Variants in CLUL1 observed in about 807,000 individuals in gnomAD.
CLUL1 encodes clusterin like 1.
In CLUL1, 43 loss-of-function variants were observed where a neutral mutation model predicts 49.4. That is an observed-to-expected ratio of 0.87 (90% CI 0.68 to 1.12). The LOEUF (loss-of-function observed/expected upper bound fraction) is 1.12, where lower values mean the gene tolerates loss of function less well. Ranked by LOEUF, CLUL1 falls within the 50% of genes most tolerant of loss-of-function variation. The pLI is 0.00. For synonymous variants in CLUL1, 192 were observed against 184.9 expected, an observed-to-expected ratio of 1.04 and a Z score of -0.31; for missense variants, 486 against 544.4, an observed-to-expected ratio of 0.89 and a Z score of 1.07.
intron 8 of CLUL1, among the ~76,000 whole-genome samples, chr18:641,934 C>G (rs1363651689): frequency 6.6e-6 from 1 of 152,100 alleles, no homozygotes; most frequent in African/African-American, 2.4e-5. Flanking sequence ...GGGAAAGTAC[C>G]TCAACCATTC....
chr18:640,842 CT>C (rs796955531), intron 7 of CLUL1, among the ~76,000 whole-genome samples: 31 of 149,628 alleles, frequency 2.1e-4, no homozygotes, highest in Non-Finnish European at 2.8e-4. Flanking sequence ...CATCACAAAT[CT>C]TTTTTTTTTC....
intron 1 of CLUL1, among the ~76,000 whole-genome samples, chr18:604,468 G>GT (rs1328483251): frequency 6.6e-6 from 1 of 152,192 alleles, no homozygotes; most frequent in African/African-American, 2.4e-5. Context: ...GGCATAAGTA[G>GT]TAAAAAGTAA....
chr18:598,173 A>G, intron 1 of CLUL1: 1 of 171,082 alleles, frequency 5.8e-6, no homozygotes, highest in Non-Finnish European at 1.2e-5. Context: ...GCAGCAGCAC[A>G]ATTATCGGGA....
chr18:638,349 G>A (rs2074219403), intron 7 of CLUL1, among the ~76,000 whole-genome samples: 1 of 152,100 alleles, frequency 6.6e-6, no homozygotes, highest in African/African-American at 2.4e-5. Flanking sequence ...ATCCTTGAAT[G>A]TCACAAGATA....
intron 2 of CLUL1, among the ~76,000 whole-genome samples, chr18:611,234 C>CTTT (rs57499796): frequency 1.5e-5 from 2 of 129,458 alleles, no homozygotes; most frequent in Admixed American, 7.7e-5. Context: ...CACCCCCCAC[C>CTTT]TTTTTTTTTT....
At chr18:634,989 A>G (rs1416527038) in intron 7 of CLUL1, among the ~76,000 whole-genome samples, 4 of 152,194 alleles carry the variant, frequency 2.6e-5, no homozygotes, top group Non-Finnish European at 4.4e-5. Flanking sequence ...AAGTGTGACT[A>G]ATGGCTTACA....
At chr18:625,184 C>A in intron 5 of CLUL1, 152 bp downstream of exon 5, 1 of 742,074 alleles carries the variant, frequency 1.3e-6, no homozygotes, top group Non-Finnish European at 2.1e-6. Context: ...GTTTACATAC[C>A]ATCACCTGTG....
rs1450573322 is a variant in CLUL1 at position 640,535 on chromosome 18, T to TTTTGCAATATGG, written c.995-791_995-780dup. On this transcript the variant is annotated intron_variant, in intron 7 of 9. Coordinates refer to ENST00000692774, the MANE Select transcript of CLUL1 (RefSeq NM_001393344.1). Reference sequence around the variant, plus strand: ...TATAAATATTATCACTTATGTATTCTTTTGCAATATGGCTTTTCACTCAGT... The same window carrying TTTTGCAATATGG: ...TATAAATATTATCACTTATGTATTCTTTTGCAATATGGTTTGCAATATGGCTTTTCACTCAGT... 2.6e-5 allele frequency among the ~76,000 whole-genome samples: 4 copies of TTTTGCAATATGG among 152,364 alleles called. No homozygotes were observed. In the East Asian group the frequency reaches 7.7e-4, roughly 29 times the overall value.
intron 4 of CLUL1, among the ~76,000 whole-genome samples, chr18:624,186 G>A (rs1432423950): frequency 6.6e-6 from 1 of 152,064 alleles, no homozygotes; most frequent in Non-Finnish European, 1.5e-5. Context: ...GCCAAGTACA[G>A]CAAGCACCAC....
At chr18:625,845 A>C (rs545349192) in intron 5 of CLUL1, among the ~76,000 whole-genome samples, 8,017 of 152,264 alleles carry the variant, frequency 0.053, 300 homozygotes, top group African/African-American at 0.1. Flanking sequence ...GGGAGCAACT[A>C]CTAAGATAAT....
chr18:644,455 C>T lies in CLUL1; in HGVS notation c.1210-455C>T, dbSNP rs534732491. Among the ~76,000 whole-genome samples, 82 of 152,350 alleles carry T rather than the reference C, an allele frequency of 5.4e-4. 1 individual carries two copies. The highest frequency in any genetic ancestry group is 1.9e-3 in the African/African-American group (78 of 41,566). On this transcript the variant is annotated intron_variant, in intron 8 of 9. Transcript: ENST00000692774. ...GTGCAATGCAATAAAGTTTGTGGCACAGACAGTAATACTCAGCAAACATCC... is the reference window on the plus strand; with the variant it reads ...GTGCAATGCAATAAAGTTTGTGGCATAGACAGTAATACTCAGCAAACATCC...
At chr18:609,880 C>T (rs1010091370) in intron 2 of CLUL1, among the ~76,000 whole-genome samples, 5 of 149,266 alleles carry the variant, frequency 3.3e-5, no homozygotes, top group African/African-American at 9.9e-5. Flanking sequence ...TTGGATTTTG[C>T]ATTAAGTGTG....
At chr18:645,157 G>C in intron 9 of CLUL1, 60 bp downstream of exon 9, 1 of 1,318,866 alleles carries the variant, frequency 7.6e-7, no homozygotes, top group Non-Finnish European at 1.0e-6. Context: ...TCTCAAAAGG[G>C]AAAAACAAAA....
chr18:649,921 T>C lies in CLUL1; in HGVS notation c.*20T>C. 7.3e-7 allele frequency: 1 copy of C among 1,369,428 alleles called. No homozygotes were observed. Among genetic ancestry groups the C allele is most frequent in the Non-Finnish European group, 1.0e-6 (1 of 974,448 alleles). 84.8% of individuals were successfully genotyped at this position (1,369,428 alleles called of 1,614,324 possible). A position where few individuals can be genotyped will look rare whatever the true frequency, so the allele number is the denominator to read the frequency against. On this transcript the variant is annotated 3_prime_UTR_variant, in exon 10 of 10. Coordinates refer to ENST00000692774, the MANE Select transcript of CLUL1 (RefSeq NM_001393344.1). ...AGGTAAGAAGATCTAATGCATCCTA[T>C]ATCCAGTAAGTAGAATTATCTCTTC...
intron 2 of CLUL1, among the ~76,000 whole-genome samples, chr18:609,155 T>C (rs1469294793): frequency 6.6e-6 from 1 of 152,094 alleles, no homozygotes; most frequent in Non-Finnish European, 1.5e-5. Context: ...TGAAGGTAAA[T>C]TTACACAATA....
intron 1 of CLUL1, among the ~76,000 whole-genome samples, chr18:600,541 CT>C (rs34642412): frequency 0.36 from 55,214 of 152,034 alleles, 10,242 homozygotes; most frequent in Middle Eastern, 0.55. Context: ...GAGAAGAAGG[CT>C]TGGCGAGGTG....
intron 4 of CLUL1, among the ~76,000 whole-genome samples, chr18:620,601 T>A (rs1031157338): frequency 6.6e-6 from 1 of 152,244 alleles, no homozygotes; most frequent in East Asian, 1.9e-4. Flanking sequence ...ATCTGACATA[T>A]GCATCTCAAG....
chr18:615,264 T>A (rs2143981703), intron 2 of CLUL1, among the ~76,000 whole-genome samples: 1 of 152,328 alleles, frequency 6.6e-6, no homozygotes, highest in East Asian at 1.9e-4. Flanking sequence ...GAAGAGCCTT[T>A]TTGGAAGCTT....
intron 9 of CLUL1, among the ~76,000 whole-genome samples, chr18:645,810 A>AAATATATATAT (rs1451607900): frequency 3.3e-5 from 1 of 29,872 alleles, no homozygotes; most frequent in Non-Finnish European, 5.8e-5. Context: ...AAAAAAAAAA[A>AAATATATATAT]ATATATATAT....
Sources: allele counts gnomAD v4.1 joint callset (sites outside exome capture counted in the v4.1 genomes callset), GRCh38; gene constraint gnomAD v4.1.1; transcripts MANE v1.5; gene names NCBI Gene and HGNC (gene_info 2026-07-23, HGNC 2026-07-21).